SLC8A1: variants seen among roughly 807,000 people sequenced by gnomAD.
SLC8A1 encodes the protein solute carrier family 8 member A1.
In SLC8A1, 18 loss-of-function variants were observed where a neutral mutation model predicts 68.3. That is an observed-to-expected ratio of 0.26 (90% confidence interval 0.18 to 0.39). The LOEUF (loss-of-function observed/expected upper bound fraction) is 0.39, where lower values mean the gene tolerates loss of function less well. Ranked by LOEUF, SLC8A1 falls within the 10% of genes least tolerant of loss-of-function variation. The pLI is 1.00. For synonymous variants in SLC8A1, 475 were observed against 415.5 expected, an observed-to-expected ratio of 1.14 and a Z score of -1.74; for missense variants, 985 against 1,156.7, an observed-to-expected ratio of 0.85 and a Z score of 2.15.
At chr2:40,215,150 A>G (rs2057255341) in intron 2 of SLC8A1, among the ~76,000 whole-genome samples, 1 of 152,174 alleles carries the variant, frequency 6.6e-6, no homozygotes, top group Non-Finnish European at 1.5e-5. Flanking sequence ...AGAGCTCAAT[A>G]TATGCTAATT....
At chr2:40,126,707 A>G (rs907564601) in intron 7 of SLC8A1, among the ~76,000 whole-genome samples, 1 of 152,118 alleles carries the variant, frequency 6.6e-6, no homozygotes, top group Admixed American at 6.5e-5. Context: ...TCCTATTAAA[A>G]TACCCCCTCC....
chr2:40,430,330 G>A lies in SLC8A1; in HGVS notation c.-24-26C>T, dbSNP rs201397231. On this transcript the variant is annotated intron_variant, in intron 1 of 7. Coordinates refer to ENST00000406785, the Ensembl canonical transcript of SLC8A1. The stretch of plus-strand genomic sequence containing the variant: ...CTGGTAAAAATAAGATGGGGGAGAG[G>A]GCAGAAAAAAAGTCATGTCATTAGA... 7.9e-4 allele frequency: 1,210 copies of A among 1,536,948 alleles called. 3 individuals are homozygous for A. The Middle Eastern group carries it at 8.7e-3, about 11-fold the overall frequency.
upstream of SLC8A1, among the ~76,000 whole-genome samples, chr2:40,454,921 A>T (rs559644998): frequency 2.0e-5 from 3 of 152,334 alleles, no homozygotes; most frequent in East Asian, 5.8e-4. Context: ...TGGAAAGAAG[A>T]CATGTTGAAT....
chr2:40,372,414 A>C (rs993409380), intron 2 of SLC8A1, among the ~76,000 whole-genome samples: 4 of 152,088 alleles, frequency 2.6e-5, no homozygotes, highest in African/African-American at 9.7e-5. Context: ...TTCCTTTTTA[A>C]GTGGAAGCCA....
At chr2:40,398,879 A>G (rs902407998) in intron 2 of SLC8A1, among the ~76,000 whole-genome samples, 26 of 152,216 alleles carry the variant, frequency 1.7e-4, no homozygotes, top group Admixed American at 6.5e-5. Flanking sequence ...GGAAGAAGCA[A>G]CAGATTCTGA....
chr2:40,414,742 G>A (rs1385409240), intron 2 of SLC8A1, among the ~76,000 whole-genome samples: 1 of 151,962 alleles, frequency 6.6e-6, no homozygotes, highest in Non-Finnish European at 1.5e-5. Context: ...ATACATTTAT[G>A]ATAGGTCAAT....
At chr2:40,378,448 G>A (rs1205668828) in intron 2 of SLC8A1, among the ~76,000 whole-genome samples, 1 of 152,146 alleles carries the variant, frequency 6.6e-6, no homozygotes, top group Non-Finnish European at 1.5e-5. Context: ...CTGAAGTAGA[G>A]TATGTGATGG....
intron 2 of SLC8A1, among the ~76,000 whole-genome samples, chr2:40,396,639 A>G (rs74901336): frequency 0.01 from 1,521 of 151,450 alleles, 20 homozygotes; most frequent in Non-Finnish European, 0.016. Flanking sequence ...AATTCATTAA[A>G]TATTTCTGTA....
chr2:40,489,675 A>G (rs895121603), intron 1 of SLC8A1, among the ~76,000 whole-genome samples: 9 of 152,080 alleles, frequency 5.9e-5, no homozygotes, highest in Admixed American at 4.6e-4. Context: ...TGAAGACAAA[A>G]GAACAGGCCC....
At chr2:40,318,012 C>G (rs779367536) in intron 2 of SLC8A1, among the ~76,000 whole-genome samples, 4 of 151,980 alleles carry the variant, frequency 2.6e-5, no homozygotes, top group Non-Finnish European at 2.9e-5. Context: ...AAGTGTATAA[C>G]AAGAGACCAG....
intron 1 of SLC8A1, among the ~76,000 whole-genome samples, chr2:40,462,868 G>C (rs1460140269): frequency 6.6e-6 from 1 of 151,904 alleles, no homozygotes; most frequent in African/African-American, 2.4e-5. Context: ...GAGTTTTGTG[G>C]GAATAAACTT....
At chr2:40,254,006 A>G (rs891992861) in intron 2 of SLC8A1, among the ~76,000 whole-genome samples, 1 of 152,222 alleles carries the variant, frequency 6.6e-6, no homozygotes, top group African/African-American at 2.4e-5. Context: ...ATTTCAAAAT[A>G]GCTAGAAGAA....
chr2:40,131,613 C>T (rs1484297409), intron 7 of SLC8A1, among the ~76,000 whole-genome samples: 2 of 152,186 alleles, frequency 1.3e-5, no homozygotes, highest in African/African-American at 4.8e-5. Context: ...ATGGTTCCCA[C>T]TCCTACTTCT....
At chr2:40,102,858 A>C (rs1221958839) in exon 8 of SLC8A1, 3 of 152,228 alleles carry the variant, frequency 2.0e-5, no homozygotes, top group Non-Finnish European at 2.9e-5. Flanking sequence ...ATGAAAATAC[A>C]GTCCTTACTG....
chr2:40,373,410 T>C (rs1406029631), intron 2 of SLC8A1, among the ~76,000 whole-genome samples: 2 of 152,118 alleles, frequency 1.3e-5, no homozygotes, highest in African/African-American at 4.8e-5. Context: ...CAGCCTATAA[T>C]TCAATGCCGA....
At chr2:40,501,991 C>G (rs79133501) in intron 1 of SLC8A1, among the ~76,000 whole-genome samples, 1 of 152,042 alleles carries the variant, frequency 6.6e-6, no homozygotes, top group Non-Finnish European at 1.5e-5. Flanking sequence ...TTCATCATCT[C>G]TAGACGTCTT....
chr2:40,104,382 C>G (rs1262768827), exon 8 of SLC8A1: 1 of 152,142 alleles, frequency 6.6e-6, no homozygotes, highest in African/African-American at 2.4e-5. Context: ...ATAAAAGACC[C>G]TATATCAAAC....
At chr2:40,098,512 C>A (rs753044782) in exon 8 of SLC8A1, 4 of 151,846 alleles carry the variant, frequency 2.6e-5, no homozygotes, top group Non-Finnish European at 5.9e-5. Flanking sequence ...CAATTTTCAT[C>A]CATTCAAAGT....
intron 2 of SLC8A1, chr2:40,223,573 TCC>T (rs2148855096): frequency 6.6e-6 from 1 of 152,226 alleles, no homozygotes; most frequent in African/African-American, 2.4e-5. Context: ...TGGTTTCTTT[TCC>T]AGGGAAAATA....
Sources: allele counts gnomAD v4.1 joint callset (sites outside exome capture counted in the v4.1 genomes callset), GRCh38; gene constraint gnomAD v4.1.1; transcripts MANE v1.5; gene names NCBI Gene and HGNC (gene_info 2026-07-23, HGNC 2026-07-21).